The following PFAS variants were observed in gnomAD, a reference collection of about 807,000 sequenced individuals.
PFAS encodes the protein FGAM synthase.
In PFAS, 97 loss-of-function variants were observed where a neutral mutation model predicts 140.6. The ratio of observed to expected loss-of-function variants is 0.69; its 90% CI spans 0.59 to 0.82. PFAS has a LOEUF of 0.82. Ranked by LOEUF, PFAS falls within the 40% of genes least tolerant of loss-of-function variation. PFAS has a pLI of 0.00. For synonymous variants in PFAS, 679 were observed against 718.8 expected (o/e 0.94, Z 0.88); for missense variants, 1,656 against 1,780.2 (o/e 0.93, Z 1.26).
At chr17:8,257,700 A>G in intron 9 of PFAS, 107 bp from the exon 10 acceptor site, 2 of 1,141,090 alleles carry the variant, frequency 1.8e-6, no homozygotes, top group Admixed American at 1.7e-5. Context: ...CATTGCAACC[A>G]TGCAGGTGGT....
intron 1 of PFAS, among the ~76,000 whole-genome samples, chr17:8,251,668 C>CTT (rs71159571): frequency 1.4e-4 from 12 of 84,340 alleles, no homozygotes; most frequent in South Asian, 4.2e-4. Context: ...TTAAGCAATT[C>CTT]TTTTTTTTTT....
At position 8,267,964 on chromosome 17, in the gene PFAS, ATT is replaced by A. The variant is rs1989892247; in HGVS notation, c.3382+300_3382+301del. Among the ~76,000 whole-genome samples the A allele has an allele frequency of 6.9e-6, 1 of 143,914 alleles. No homozygotes were observed. Among genetic ancestry groups the A allele is most frequent in the African/African-American group, 2.5e-5 (1 of 39,590 alleles). The allele number at this position is 143,914 out of a possible 152,430, so 94.4% of individuals were successfully genotyped here. A position where few individuals can be genotyped will look rare whatever the true frequency, so the allele number is the denominator to read the frequency against. ...TTATTTATATATTATTAAAATATAT[ATT>A]ATTTATATATATTATTTATATATTA... On this transcript the variant is annotated intron_variant, in intron 26 of 27. Coordinates refer to ENST00000314666, the MANE Select transcript of PFAS (RefSeq NM_012393.3). This position sits in a 1 kb window ranked among gnomAD's most constrained non-coding sequence, Gnocchi z 4.9.
In PFAS at chr17:8,256,973, C is replaced by A. The variant is rs778299162; in HGVS notation, c.1075+10C>A. Reference sequence around the variant, plus strand: ...AATCTGCATATTCCAGGTTCCATCTCCTTCCTCTCTATCCACCTTCCCTTC... The same window carrying A: ...AATCTGCATATTCCAGGTTCCATCTACTTCCTCTCTATCCACCTTCCCTTC... On this transcript the variant is annotated intron_variant, in intron 9 of 27. Coordinates refer to ENST00000314666, the MANE Select transcript of PFAS (RefSeq NM_012393.3). The A allele has an allele frequency of 6.2e-7, 1 of 1,614,004 alleles. No individual in the cohort carries two copies. The highest frequency in any genetic ancestry group is 1.7e-5 in the Admixed American group (1 of 60,016).
chr17:8,262,110 CAT>C (rs1989618099), intron 11 of PFAS, among the ~76,000 whole-genome samples: 1 of 152,024 alleles, frequency 6.6e-6, no homozygotes, highest in East Asian at 1.9e-4. Flanking sequence ...TGTAAATAGA[CAT>C]AGATATTTTT....
At chr17:8,257,764 A>G in intron 9 of PFAS, 43 bp from the exon 10 acceptor site, 1 of 1,610,382 alleles carries the variant, frequency 6.2e-7, no homozygotes, top group Non-Finnish European at 8.5e-7. Flanking sequence ...GCCTGTCTTC[A>G]CAGTTCATTC....
chr17:8,263,252 C>T lies in PFAS; in HGVS notation c.1554C>T (p.Gly518=), dbSNP rs759578205. ...CCATCTGCAGCCTTCATGATCAGGG[C>T]GCTGGTGGCAATGGTGAGGAAAGGA... ...GNPICSLHDQ[G]AGGNGNVLKE... is the part of the protein sequence containing the mutation. The change falls in exon 13 of 28, where the codon GGC becomes GGT. Residue 518 remains glycine, a synonymous_variant. Coordinates refer to ENST00000314666, the MANE Select transcript of PFAS (RefSeq NM_012393.3). The T allele has an allele frequency of 1.3e-5, 21 of 1,613,962 alleles. No individual in the cohort carries two copies. Among genetic ancestry groups the T allele is most frequent in the African/African-American group, 6.7e-5 (5 of 74,902 alleles).
rs753787970 is a variant in PFAS, at chr17:8,268,826, G to C, written c.3676G>C (p.Val1226Leu). Residue 1226 changes from valine (V) to leucine (L), a missense_variant, in exon 27 of 28, where the codon GTG (valine) becomes CTG (leucine). By Grantham distance (32) the Val-to-Leu change is conservative. Transcript: ENST00000314666. ...ALMLRGMEGA[V>L]LPVWSAHGEG... is the part of the protein sequence containing the mutation. ...GATGCTGCGAGGGATGGAGGGCGCC[G>C]TGCTGCCCGTGTGGAGTGCGCACGG... 55 of 1,607,740 alleles carry C rather than the reference G, an allele frequency of 3.4e-5. No individual in the cohort carries two copies. The South Asian group carries it at 5.8e-4, about 17-fold the overall frequency.
At position 8,269,415 on chromosome 17, in the gene PFAS, A is replaced by G. The variant is rs903131291; in HGVS notation, c.*151A>G. 2.0e-5 allele frequency: 12 copies of G among 598,260 alleles called. No homozygotes were observed. The highest frequency in any genetic ancestry group is 3.0e-5 in the Admixed American group (1 of 33,500). 37.1% of individuals were successfully genotyped at this position (598,260 alleles called of 1,614,324 possible). On this transcript the variant is annotated 3_prime_UTR_variant, in exon 28 of 28. Coordinates refer to ENST00000314666, the MANE Select transcript of PFAS (RefSeq NM_012393.3). ...TGCCAAAATCTCAGCGGACTCGATA[A>G]TCTGCCTGCTGATGTTCCTTCTGTG... is the stretch of plus-strand genomic sequence containing the variant.
chr17:8,248,084 GT>G, upstream of PFAS: 1 of 1,359,396 alleles, frequency 7.4e-7, no homozygotes, highest in Non-Finnish European at 1.0e-6. Flanking sequence ...TCGCTTGGGG[GT>G]GGGGATGGGG....
At chr17:8,265,160 C>T (rs368392549) in intron 18 of PFAS, 35 bp downstream of exon 18, 365 of 1,565,628 alleles carry the variant, frequency 2.3e-4, no homozygotes, top group Admixed American at 6.3e-4. Context: ...CTGGAGCCCC[C>T]GGGCTTCAGG....
At chr17:8,261,805 T>A (rs1370052920) in intron 11 of PFAS, among the ~76,000 whole-genome samples, 1 of 151,884 alleles carries the variant, frequency 6.6e-6, no homozygotes, top group Non-Finnish European at 1.5e-5. Context: ...AAGATTGGAT[T>A]TCACTGTGTT....
chr17:8,254,967 C>A, intron 3 of PFAS, 60 bp from the exon 4 acceptor site: 1 of 1,187,308 alleles, frequency 8.4e-7, no homozygotes, highest in Non-Finnish European at 1.3e-6. Flanking sequence ...GCAGGATCCA[C>A]CCTCCCAGCT....
rs768351894 is a variant in PFAS at position 8,257,826 on chromosome 17, G to A, written c.1095G>A (p.Glu365=). 1.2e-6 allele frequency: 2 copies of A among 1,613,866 alleles called. No homozygotes were observed. Among genetic ancestry groups the A allele is most frequent in the South Asian group, 1.1e-5 (1 of 91,076 alleles). The change falls in exon 10 of 28, where the codon GAG becomes GAA. Residue 365 remains glutamate, a synonymous_variant. Coordinates refer to ENST00000314666, the MANE Select transcript of PFAS (RefSeq NM_012393.3). ...TCCCAGGTTACAATCTGCCCTGGGA[G>A]GATCCAAGCTTCCAGTATCCTGGGA... The part of the protein sequence containing the change: ...LHIPGYNLPW[E]DPSFQYPGNF...
At chr17:8,254,661 G>A (rs899255732) in intron 3 of PFAS, among the ~76,000 whole-genome samples, 7 of 152,032 alleles carry the variant, frequency 4.6e-5, no homozygotes, top group Admixed American at 2.0e-4. Context: ...AAAATTAGCC[G>A]GGTGTGGTGG....
At chr17:8,259,650 T>C (rs1989513622) in intron 11 of PFAS, among the ~76,000 whole-genome samples, 1 of 151,986 alleles carries the variant, frequency 6.6e-6, no homozygotes, top group Non-Finnish European at 1.5e-5. Context: ...TAGCTGGATA[T>C]GGTGGTGTAC....
chr17:8,248,924 G>C (rs1327869631), upstream of PFAS, among the ~76,000 whole-genome samples: 4 of 152,150 alleles, frequency 2.6e-5, no homozygotes, highest in Non-Finnish European at 5.9e-5. Context: ...TGGGGTAGCA[G>C]AGCTCAGGAA....
Position 8,254,318 on chromosome 17 carries a change from G to T in PFAS, c.278+17G>T, listed in dbSNP as rs200514171. The stretch of plus-strand genomic sequence containing the variant: ...CGGGCCCAGGTAAGTATCTCATCCT[G>T]CCCACCCCTTTCTTCTGCTTTCCTT... On this transcript the variant is annotated intron_variant, in intron 3 of 27. Coordinates refer to ENST00000314666, the MANE Select transcript of PFAS (RefSeq NM_012393.3). The T allele has an allele frequency of 6.2e-7, 1 of 1,613,356 alleles. No homozygotes were observed. The highest frequency in any genetic ancestry group is 8.5e-7 in the Non-Finnish European group (1 of 1,179,868).
intron 11 of PFAS, among the ~76,000 whole-genome samples, chr17:8,259,009 C>G (rs890111296): frequency 2.0e-5 from 3 of 150,820 alleles, no homozygotes; most frequent in African/African-American, 7.3e-5. Flanking sequence ...AAAAAATTAC[C>G]CAGGCGTCAT....
At position 8,254,246 on chromosome 17, in the gene PFAS, C is replaced by G. The variant is rs555268035; in HGVS notation, c.223C>G (p.Arg75Gly). The G allele has an allele frequency of 1.9e-6, 3 of 1,614,086 alleles. No individual in the cohort carries two copies. Among genetic ancestry groups the G allele is most frequent in the South Asian group, 2.2e-5 (2 of 91,074 alleles). Residue 75 changes from arginine to glycine, a missense_variant, in exon 3 of 28, where the codon CGG becomes GGG. Coordinates refer to ENST00000314666, the MANE Select transcript of PFAS (RefSeq NM_012393.3). ...GCPLLLDDVARESWLLPGSND... is the reference protein window; with the variant it reads ...GCPLLLDDVAGESWLLPGSND... ...CCCCTTACTGCTGGATGATGTTGCT[C>G]GGGAGTCCTGGCTCCTTCCTGGCTC...
Sources: allele counts gnomAD v4.1 joint callset (sites outside exome capture counted in the v4.1 genomes callset), GRCh38; gene constraint gnomAD v4.1.1; non-coding constraint Gnocchi (gnomAD v3.1); transcripts MANE v1.5; gene names NCBI Gene and HGNC (gene_info 2026-07-23, HGNC 2026-07-21).